The following ATP6V0A1 variants were observed in gnomAD, a reference collection of about 807,000 sequenced individuals.
The protein encoded by ATP6V0A1 is V-type proton ATPase 116 kDa subunit a 1.
Under a neutral mutation model 105.4 loss-of-function variants are expected in ATP6V0A1, and 43 were observed. The ratio of observed to expected loss-of-function variants is 0.41; its 90% CI spans 0.32 to 0.53. ATP6V0A1 has a LOEUF of 0.53. Ranked by LOEUF, ATP6V0A1 falls within the 20% of genes least tolerant of loss-of-function variation. The pLI is 0.30. For missense variants in ATP6V0A1, 676 were observed against 1,051.1 expected, an observed-to-expected ratio of 0.64 and a Z score of 4.93; for synonymous variants, 362 against 372.8, an observed-to-expected ratio of 0.97 and a Z score of 0.33.
intron 21 of ATP6V0A1, chr17:42,520,365 G>A (rs2092789981): frequency 4.5e-6 from 2 of 448,574 alleles, no homozygotes; most frequent in African/African-American, 4.0e-5. Context: ...GAGAGTGAAA[G>A]GGCCCCACAG....
rs752859402 is a variant in ATP6V0A1, at chr17:42,495,091, A to G, written c.1372A>G (p.Met458Val). 1.9e-6 allele frequency: 3 copies of G among 1,614,012 alleles called. No individual in the cohort carries two copies. The highest frequency in any genetic ancestry group is 1.6e-4 in the Middle Eastern group (1 of 6,062). The change falls in exon 13 of 22, where the codon ATG becomes GTG. Residue 458 changes from methionine to valine, a missense_variant. Met to Val is a conservative substitution (Grantham distance 21, BLOSUM62 1). Around this residue, in one of 3 missense-constraint regions of ATP6V0A1, gnomAD observed 435 missense variants for 642.2 expected, o/e 0.68. Transcript: ENST00000343619. ...YIILLMGVFS[M>V]YTGLIYNDCF... Reference sequence around the variant, plus strand: ...TATTTTATTGATGGGTGTGTTCTCCATGTACACTGGCCTCATCTACAATGA... The same window carrying G: ...TATTTTATTGATGGGTGTGTTCTCCGTGTACACTGGCCTCATCTACAATGA...
chr17:42,478,704 TCTCTG>T (rs1474199644), intron 7 of ATP6V0A1, 115 bp downstream of exon 7: 2 of 1,162,194 alleles, frequency 1.7e-6, no homozygotes, highest in African/African-American at 3.2e-5. Context: ...ATTATCTTTA[TCTCTG>T]CTCTAATTGG....
chr17:42,506,510 C>T (rs2146209980), intron 17 of ATP6V0A1, among the ~76,000 whole-genome samples: 1 of 152,364 alleles, frequency 6.6e-6, no homozygotes, highest in South Asian at 2.1e-4. Flanking sequence ...CGCAGGCCTC[C>T]TGCACGCTAC....
Position 42,501,215 on chromosome 17 carries a change from C to T in ATP6V0A1, c.1915C>T (p.Leu639=). 1 of 1,613,270 alleles carries T rather than the reference C, an allele frequency of 6.2e-7. No homozygotes were observed. The highest frequency in any genetic ancestry group is 8.5e-7 in the Non-Finnish European group (1 of 1,179,508). ...YSGQKGIQCF[L]VVVALLCVPW... Reference sequence around the variant, plus strand: ...TCTGCAGAAAGGAATTCAGTGTTTCCTGGTAGTGGTTGCACTACTGTGTGT... The same window carrying T: ...TCTGCAGAAAGGAATTCAGTGTTTCTTGGTAGTGGTTGCACTACTGTGTGT... Residue 639 remains leucine (L), a synonymous_variant, in exon 17 of 22, where the codon CTG becomes TTG. Coordinates refer to ENST00000343619, the MANE Select transcript of ATP6V0A1 (RefSeq NM_001130021.3).
intron 15 of ATP6V0A1, 84 bp from the exon 16 acceptor site, chr17:42,500,623 G>T: frequency 8.6e-7 from 1 of 1,158,868 alleles, no homozygotes; most frequent in Non-Finnish European, 1.3e-6. Flanking sequence ...GTATTAAGTA[G>T]AAAAATCTAG....
Position 42,508,580 on chromosome 17 carries a change from G to A in ATP6V0A1, c.2121G>A (p.Glu707=), listed in dbSNP as rs1567864661. 1 of 1,613,944 alleles carries A rather than the reference G, an allele frequency of 6.2e-7. No homozygotes were observed. Among genetic ancestry groups the A allele is most frequent in the South Asian group, 1.1e-5 (1 of 91,080 alleles). The change falls in exon 19 of 22, where the codon GAG becomes GAA. Residue 707 remains glutamate (E), a synonymous_variant. Transcript: ENST00000343619. ...THSEDADEPS[E]DEVFDFGDTM... is the part of the protein sequence containing the mutation. ...AAATTTGTGTTTTCAAGCCTTCCGA[G>A]GACGAAGTGGTAAGATGAAAGCTGG...
chr17:42,478,682 C>A, intron 7 of ATP6V0A1, 93 bp downstream of exon 7: 1 of 1,309,734 alleles, frequency 7.6e-7, no homozygotes, highest in African/African-American at 1.5e-5. Flanking sequence ...CCAGTGCTTC[C>A]ACAGAGGAGC....
Position 42,464,421 on chromosome 17 carries a change from G to A in ATP6V0A1, c.118-2008G>A, listed in dbSNP as rs1426638622. Among the ~76,000 whole-genome samples, 9 of 147,884 alleles carry A rather than the reference G, an allele frequency of 6.1e-5. 1 individual carries two copies. On this transcript the variant is annotated intron_variant, in intron 2 of 21. Transcript: ENST00000343619. ...TTGTATTTTTTTTTTTCTTTTTTTT[G>A]AGACTGAGTCTAGTTCTGTCACCCA...
chr17:42,494,443 CCG>C lies in ATP6V0A1; in HGVS notation c.1285_1286del (p.Arg429AspfsTer7), dbSNP rs2090965804. 6.2e-7 allele frequency: 1 copy of C among 1,613,052 alleles called. No individual in the cohort carries two copies. The highest frequency in any genetic ancestry group is 1.3e-5 in the African/African-American group (1 of 74,794). On this transcript the variant is annotated frameshift_variant, in exon 12 of 22. Coordinates refer to ENST00000343619, the MANE Select transcript of ATP6V0A1 (RefSeq NM_001130021.3). LOFTEE classifies it high-confidence loss of function. ...CTGTGTGGATGGTACTGAGGGAGAG[CCG>C]GATCCTTTCCCAGAAGAATGAGAAT... ...FAVWMVLRES[R>X]ILSQKNENEM... is the part of the protein sequence containing the mutation.
rs2145943228 is a variant in ATP6V0A1, at chr17:42,488,566, G to C, written c.1023+1199G>C. Among the ~76,000 whole-genome samples the C allele has an allele frequency of 1.3e-5, 2 of 152,050 alleles. 1 individual carries two copies. Among genetic ancestry groups the C allele is most frequent in the Middle Eastern group, 6.8e-3 (2 of 294 alleles). On this transcript the variant is annotated intron_variant, in intron 10 of 21. Coordinates refer to ENST00000343619, the MANE Select transcript of ATP6V0A1 (RefSeq NM_001130021.3). ...AGCTCACTTCAGCTTCCAACTCCTG[G>C]GCTTAAGCAATCCTCCCACTTCAGA...
At chr17:42,493,222 A>G (rs1390016718) in intron 11 of ATP6V0A1, among the ~76,000 whole-genome samples, 1 of 152,182 alleles carries the variant, frequency 6.6e-6, no homozygotes, top group African/African-American at 2.4e-5. Flanking sequence ...CACTTTAGGT[A>G]CAACACAGAT....
chr17:42,480,546 A>G (rs541540060), intron 7 of ATP6V0A1, 121 bp from the exon 8 acceptor site: 634 of 787,992 alleles, frequency 8.0e-4, no homozygotes, highest in Non-Finnish European at 1.1e-3. Context: ...GTTAAAATGC[A>G]GGACTGCCAT....
chr17:42,497,634 C>A (rs911421094), intron 14 of ATP6V0A1, among the ~76,000 whole-genome samples: 1 of 151,244 alleles, frequency 6.6e-6, no homozygotes, highest in African/African-American at 2.4e-5. Flanking sequence ...GATCATGCCA[C>A]TGCACTCCAG....
chr17:42,487,410 G>C, intron 10 of ATP6V0A1, 43 bp downstream of exon 10: 1 of 1,588,716 alleles, frequency 6.3e-7, no homozygotes, highest in South Asian at 1.1e-5. Flanking sequence ...GCCCGGAAGA[G>C]AGGTTCCCAT....
At chr17:42,494,169 G>A (rs1598935751) in intron 11 of ATP6V0A1, among the ~76,000 whole-genome samples, 165 bp from the exon 12 acceptor site, 1 of 151,966 alleles carries the variant, frequency 6.6e-6, no homozygotes, top group Admixed American at 6.6e-5. Flanking sequence ...CTTGAACCTG[G>A]GAGATGGAGG....
At chr17:42,505,943 A>G (rs1372847947) in intron 17 of ATP6V0A1, among the ~76,000 whole-genome samples, 1 of 150,376 alleles carries the variant, frequency 6.6e-6, no homozygotes, top group Non-Finnish European at 1.5e-5. Context: ...GCCCACCTCT[A>G]CGCCCAACTA....
Position 42,495,701 on chromosome 17 carries a change from T to C in ATP6V0A1, c.1545T>C (p.Pro515=). The C allele has an allele frequency of 6.2e-7, 1 of 1,613,442 alleles. No individual in the cohort carries two copies. The highest frequency in any genetic ancestry group is 8.5e-7 in the Non-Finnish European group (1 of 1,179,386). ...ALPGVFGGPY[P]FGIDPIWNIA... is the part of the protein sequence containing the mutation. ...CTGGAGTGTTTGGTGGACCATACCC[T>C]TTTGGCATTGATCCAGTAAGAGGAC... Residue 515 remains proline, a synonymous_variant, in exon 14 of 22, where the codon CCT becomes CCC. Coordinates refer to ENST00000343619, the MANE Select transcript of ATP6V0A1 (RefSeq NM_001130021.3).
At chr17:42,511,904 A>C (rs2092363074) in intron 19 of ATP6V0A1, among the ~76,000 whole-genome samples, 2 of 152,164 alleles carry the variant, frequency 1.3e-5, no homozygotes, top group South Asian at 2.1e-4. Flanking sequence ...CAGAGGTTGC[A>C]GTGAGCTGAG....
chr17:42,462,667 G>A (rs1205866454), intron 2 of ATP6V0A1, among the ~76,000 whole-genome samples: 8 of 151,990 alleles, frequency 5.3e-5, no homozygotes, highest in South Asian at 2.1e-4. Context: ...TGATCCACCC[G>A]CCTCGGCCTC....
Sources: gnomAD v4.1 joint callset for allele counts (sites outside exome capture counted in the v4.1 genomes callset) on GRCh38, gnomAD v4.1.1 for gene constraint, gnomAD v4.1.1 regional missense constraint, MANE v1.5 for transcripts, NCBI Gene and HGNC (gene_info 2026-07-23, HGNC 2026-07-21) for gene names.